ADARB1: variants seen among roughly 807,000 people sequenced by gnomAD.
ADARB1 encodes adenosine deaminase RNA specific B1, also known as double-stranded RNA-specific editase 1.
A neutral mutation model predicts 52.4 loss-of-function variants in ADARB1; 10 were observed. That is an observed-to-expected ratio of 0.19 (90% CI 0.12 to 0.32). The LOEUF (loss-of-function observed/expected upper bound fraction) is 0.32. ADARB1 is among the 10% of genes least tolerant of loss of function. The pLI is 1.00. For synonymous variants in ADARB1, 349 were observed against 371.1 expected (o/e 0.94, Z 0.68); for missense variants, 643 against 922.3 (o/e 0.70, Z 3.92).
chr21:45,134,920 G>A (rs897564409), intron 2 of ADARB1: 29 of 468,676 alleles, frequency 6.2e-5, no homozygotes, highest in African/African-American at 5.4e-4. Flanking sequence ...CCTGCTGCCT[G>A]GGCAGAGCCA....
At chr21:45,076,946 A>G (rs1277880429) in intron 1 of ADARB1, among the ~76,000 whole-genome samples, 5 of 152,228 alleles carry the variant, frequency 3.3e-5, no homozygotes, top group Admixed American at 6.5e-5. Flanking sequence ...ATAGATTTAA[A>G]AAGATAAGCA....
At position 45,220,163 on chromosome 21, in the gene ADARB1, C is replaced by G. The variant is rs1026996489; in HGVS notation, c.1748-673C>G. On this transcript the variant is annotated intron_variant, in intron 9 of 10. Coordinates refer to ENST00000348831, the MANE Select transcript of ADARB1 (RefSeq NM_001112.4). This position sits in a 1 kb window ranked among gnomAD's most constrained non-coding sequence, Gnocchi z 6.3. Reference sequence around the variant, plus strand: ...ATCTTCTTAGTGCCTCAAACTAGATCCTATTCAGACATGTTTCAGCAAGTT... The same window carrying G: ...ATCTTCTTAGTGCCTCAAACTAGATGCTATTCAGACATGTTTCAGCAAGTT... 2.0e-5 allele frequency among the ~76,000 whole-genome samples: 3 copies of G among 152,118 alleles called. No homozygotes were observed. The highest frequency in any genetic ancestry group is 6.5e-5 in the Admixed American group (1 of 15,276).
rs2088735458 is a variant in ADARB1, at chr21:45,128,552, A to G, written c.-69A>G. On this transcript the variant is annotated 5_prime_UTR_variant, in exon 2 of 11. Transcript: ENST00000348831. This position sits in a 1 kb window ranked among gnomAD's most constrained non-coding sequence, Gnocchi z 4.6. ...AAGCTGCCTTGGGATCAGAGCAGAC[A>G]TAAAGCTAGAAAAATTTCAAGGTGA... 1 of 152,288 alleles carries G rather than the reference A, an allele frequency of 6.6e-6. No individual in the cohort carries two copies. The highest frequency in any genetic ancestry group is 2.1e-4 in the South Asian group (1 of 4,836). 9.4% of individuals were successfully genotyped at this position (152,288 alleles called of 1,614,324 possible). A position where few individuals can be genotyped will look rare whatever the true frequency, so the allele number is the denominator to read the frequency against.
intron 1 of ADARB1, among the ~76,000 whole-genome samples, chr21:45,123,249 C>G (rs2088314512): frequency 6.7e-6 from 1 of 148,806 alleles, no homozygotes; most frequent in African/African-American, 2.5e-5. Context: ...CCCCCTCATC[C>G]ATATGACACA....
chr21:45,132,107 G>A (rs1427100689), intron 2 of ADARB1: 1 of 152,234 alleles, frequency 6.6e-6, no homozygotes, highest in African/African-American at 2.4e-5. Flanking sequence ...CAAAGGTGAT[G>A]TTTTAGTATC....
rs543789457 is a variant in ADARB1 at position 45,221,625 on chromosome 21, A to G, written c.1927-393A>G. On this transcript the variant is annotated intron_variant, in intron 10 of 10. Transcript: ENST00000348831. The surrounding 1 kb of genome is among the most constrained non-coding windows in gnomAD (Gnocchi z 4.9). ...ACCCAGGCCAGCTGCCACAAGTCCA[A>G]GGTCCACACAGAAGGAGTTACTGGC... Among the ~76,000 whole-genome samples the G allele has an allele frequency of 6.6e-6, 1 of 152,246 alleles. No homozygotes were observed. Among genetic ancestry groups the G allele is most frequent in the African/African-American group, 2.4e-5 (1 of 41,476 alleles).
chr21:45,196,129 A>T (rs1254395483), intron 8 of ADARB1, among the ~76,000 whole-genome samples: 2 of 152,194 alleles, frequency 1.3e-5, no homozygotes, highest in Non-Finnish European at 2.9e-5. Flanking sequence ...ATACCTAAAT[A>T]TTTCAGTTTT....
chr21:45,153,341 GT>G (rs34024154), intron 2 of ADARB1, among the ~76,000 whole-genome samples: 1 of 150,298 alleles, frequency 6.7e-6, no homozygotes, highest in African/African-American at 2.4e-5. Context: ...AGCTGTTGAT[GT>G]TTTTTTTTTC....
chr21:45,165,519 A>G (rs909244983), intron 2 of ADARB1, among the ~76,000 whole-genome samples: 1 of 152,200 alleles, frequency 6.6e-6, no homozygotes, highest in African/African-American at 2.4e-5. Flanking sequence ...CTAGAAGGTA[A>G]AATATTTCAC....
At chr21:45,082,053 T>A (rs1308884223) in intron 1 of ADARB1, among the ~76,000 whole-genome samples, 1 of 152,166 alleles carries the variant, frequency 6.6e-6, no homozygotes, top group Non-Finnish European at 1.5e-5. Flanking sequence ...ATAGATCAGG[T>A]CTTGGAGACA....
chr21:45,220,979 G>C lies in ADARB1; in HGVS notation c.1891G>C (p.Ala631Pro), dbSNP rs1418818636. Residue 631 changes from alanine to proline, a missense_variant, in exon 10 of 11, where the codon GCG (alanine) becomes CCG (proline). Physicochemically the swap from Ala to Pro is conservative, Grantham distance 27. Transcript: ENST00000348831. This position sits in a 1 kb window ranked among gnomAD's most constrained non-coding sequence, Gnocchi z 6.3. ...CCGCGCGTCCCGCCTGTGTAAGCAC[G>C]CGTTGTACTGTCGCTGGATGCGTGT... ...LGRASRLCKH[A>P]LYCRWMRVHG... 1 of 1,612,910 alleles carries C rather than the reference G, an allele frequency of 6.2e-7. No individual in the cohort carries two copies. The highest frequency in any genetic ancestry group is 1.3e-5 in the African/African-American group (1 of 74,950).
chr21:45,113,479 A>ATGTGTGTGTGTGTGTGTATATATATATG (rs1259507583), intron 1 of ADARB1, among the ~76,000 whole-genome samples: 1 of 139,692 alleles, frequency 7.2e-6, no homozygotes, highest in Admixed American at 7.4e-5. Context: ...ATATATATAT[A>ATGTGTGTGTGTGTGTGTATATATATATG]TGTGTGTGTG....
intron 2 of ADARB1, among the ~76,000 whole-genome samples, chr21:45,133,899 CG>C (rs1352972505): frequency 5.4e-5 from 5 of 93,078 alleles, no homozygotes; most frequent in Admixed American, 1.1e-4. Flanking sequence ...GTGCGCCCGA[CG>C]GGGGTGTGTG....
chr21:45,218,147 C>G (rs922559102), intron 9 of ADARB1, among the ~76,000 whole-genome samples: 2 of 152,056 alleles, frequency 1.3e-5, no homozygotes, highest in African/African-American at 4.8e-5. Context: ...ATTTTCCGTT[C>G]CCCCTTCTCT....
intron 3 of ADARB1, 44 bp from the exon 4 acceptor site, chr21:45,175,685 TC>T: frequency 6.3e-7 from 1 of 1,594,650 alleles, no homozygotes; most frequent in Non-Finnish European, 8.6e-7. Flanking sequence ...ATTTACAAGA[TC>T]CTGCAACGAA....
intron 1 of ADARB1, among the ~76,000 whole-genome samples, chr21:45,080,320 A>T (rs75340258): frequency 0.067 from 10,180 of 152,276 alleles, 395 homozygotes; most frequent in East Asian, 0.15. Context: ...GATCCAGTAG[A>T]GGGAAACATT....
At chr21:45,086,847 G>A (rs763993288) in intron 1 of ADARB1, among the ~76,000 whole-genome samples, 5 of 152,184 alleles carry the variant, frequency 3.3e-5, no homozygotes, top group Non-Finnish European at 7.3e-5. Context: ...TAGGAGCTTC[G>A]AAATGGAGTT....
At chr21:45,216,977 T>C (rs2092875832) in intron 9 of ADARB1, among the ~76,000 whole-genome samples, 2 of 151,962 alleles carry the variant, frequency 1.3e-5, no homozygotes, top group Admixed American at 6.6e-5. Flanking sequence ...CTGGTAATAG[T>C]GTTTGTTCTG....
chr21:45,093,585 G>A (rs960573221), intron 1 of ADARB1, among the ~76,000 whole-genome samples: 8 of 152,232 alleles, frequency 5.3e-5, no homozygotes, highest in Non-Finnish European at 7.3e-5. Context: ...AAGGTTCGGG[G>A]TGTTGGGAAG....
Sources: gnomAD v4.1 joint callset for allele counts (sites outside exome capture counted in the v4.1 genomes callset) on GRCh38, gnomAD v4.1.1 for gene constraint, Gnocchi (gnomAD v3.1) non-coding constraint, MANE v1.5 for transcripts, NCBI Gene and HGNC (gene_info 2026-07-23, HGNC 2026-07-21) for gene names.